FHAD1: variants seen among roughly 807,000 people sequenced by gnomAD.
FHAD1 encodes the protein forkhead associated phosphopeptide binding domain 1, also known as forkhead-associated domain-containing protein 1.
In FHAD1, 146 loss-of-function variants were observed where a neutral mutation model predicts 191.3. The observed-to-expected ratio is 0.76, with a 90% CI of 0.67 to 0.88. The LOEUF (loss-of-function observed/expected upper bound fraction) is 0.88. FHAD1 is among the 40% of genes least tolerant of loss of function. FHAD1 has a pLI of 0.00. For missense variants in FHAD1, 1,635 were observed against 1,785.8 expected (o/e 0.92, Z 1.52); for synonymous variants, 616 against 672.3 (o/e 0.92, Z 1.29).
At chr1:15,355,635 G>A (rs1390708823) in intron 20 of FHAD1, among the ~76,000 whole-genome samples, 2 of 152,176 alleles carry the variant, frequency 1.3e-5, no homozygotes, top group Non-Finnish European at 2.9e-5. Flanking sequence ...GACCCCTGGG[G>A]TGCATCGCTG....
chr1:15,390,775 G>T (rs1703798260), intron 32 of FHAD1, among the ~76,000 whole-genome samples: 1 of 152,210 alleles, frequency 6.6e-6, no homozygotes, highest in Non-Finnish European at 1.5e-5. Flanking sequence ...CCTAAAGGGA[G>T]TTCAACCATC....
intron 26 of FHAD1, among the ~76,000 whole-genome samples, chr1:15,371,037 C>G (rs370794426): frequency 1.1e-4 from 16 of 152,202 alleles, no homozygotes; most frequent in African/African-American, 3.9e-4. Context: ...ACAGAATTGT[C>G]TCCTGGTTGC....
intron 16 of FHAD1, among the ~76,000 whole-genome samples, chr1:15,343,428 G>A (rs949000388): frequency 4.3e-5 from 6 of 138,046 alleles, no homozygotes; most frequent in Admixed American, 2.3e-4. Flanking sequence ...TCTCTTCCCC[G>A]GAAGAGTACT....
intron 2 of FHAD1, among the ~76,000 whole-genome samples, chr1:15,269,612 C>T (rs935989631): frequency 6.6e-6 from 1 of 152,126 alleles, no homozygotes; most frequent in African/African-American, 2.4e-5. Context: ...CCATGTCAGC[C>T]CAAGAAGAAC....
chr1:15,299,089 A>G (rs944084089), intron 5 of FHAD1, among the ~76,000 whole-genome samples: 5 of 151,110 alleles, frequency 3.3e-5, no homozygotes, highest in African/African-American at 7.3e-5. Flanking sequence ...AGCCCCAGCT[A>G]CTAGGGAGGC....
chr1:15,394,774 C>T (rs180840002), intron 33 of FHAD1, among the ~76,000 whole-genome samples: 5 of 152,254 alleles, frequency 3.3e-5, no homozygotes, highest in African/African-American at 9.6e-5. Context: ...AGCTGAAACG[C>T]GACTAGCCAC....
At chr1:15,310,530 G>A (rs1671950340) in intron 7 of FHAD1, among the ~76,000 whole-genome samples, 1 of 152,162 alleles carries the variant, frequency 6.6e-6, no homozygotes. Context: ...GACAGACCTG[G>A]GCTCAGGTAT....
At position 15,349,055 on chromosome 1, in the gene FHAD1, G is replaced by T; in HGVS notation, c.2360G>T (p.Ser787Ile). Residue 787 changes from serine to isoleucine, a missense_variant, in exon 19 of 34, where the codon AGC (serine) becomes ATC (isoleucine). Coordinates refer to ENST00000688493, the MANE Select transcript of FHAD1 (RefSeq NM_001391957.1). ...GTTGATTTTCAGGTTTTGGAGAGCA[G>T]CATAGCCCATGAAAAAAGAAAAGCA... ...LARQKEVLES[S>I]IAHEKRKAKE... The T allele has an allele frequency of 2.6e-6, 4 of 1,551,522 alleles. No individual in the cohort carries two copies. The highest frequency in any genetic ancestry group is 3.5e-6 in the Non-Finnish European group (4 of 1,146,886).
chr1:15,343,004 C>T (rs1687364331), intron 16 of FHAD1, among the ~76,000 whole-genome samples: 1 of 152,018 alleles, frequency 6.6e-6, no homozygotes, highest in Non-Finnish European at 1.5e-5. Flanking sequence ...CTCTATGTTG[C>T]CCAGGCTGGT....
At chr1:15,388,357 C>T (rs768906540) in intron 32 of FHAD1, 1 of 1,262,932 alleles carries the variant, frequency 7.9e-7, no homozygotes, top group Non-Finnish European at 1.0e-6. Context: ...CCCTGCCCCA[C>T]CTGCCTGCAG....
intron 31 of FHAD1, chr1:15,383,342 C>T (rs939441332): frequency 4.6e-6 from 2 of 430,886 alleles, no homozygotes; most frequent in African/African-American, 4.0e-5. Flanking sequence ...CCGGCGGACA[C>T]TGCCTTCCCC....
intron 1 of FHAD1, among the ~76,000 whole-genome samples, chr1:15,250,707 G>A (rs1189681970): frequency 6.6e-6 from 1 of 152,182 alleles, no homozygotes; most frequent in Non-Finnish European, 1.5e-5. Context: ...CAGACATGGT[G>A]GTGTGCCTGT....
intron 10 of FHAD1, among the ~76,000 whole-genome samples, chr1:15,322,084 A>G (rs1676513865): frequency 6.6e-6 from 1 of 152,064 alleles, no homozygotes; most frequent in Non-Finnish European, 1.5e-5. Context: ...GATTTACAGC[A>G]GTTTTATTAG....
At chr1:15,372,690 ATATATG>A in intron 26 of FHAD1, among the ~76,000 whole-genome samples, 1 of 152,356 alleles carries the variant, frequency 6.6e-6, no homozygotes, top group East Asian at 1.9e-4. Flanking sequence ...ATAGCTATCT[ATATATG>A]TATATGTATA....
At position 15,395,590 on chromosome 1, in the gene FHAD1, C is replaced by A. The variant is rs113068674; in HGVS notation, c.4324-1707C>A. ...AAGCCCAGCTGTGCCAAGTGTCCAA[C>A]AAATATGGCCCGGGAGTGGGGTCAT... is the stretch of plus-strand genomic sequence containing the variant. On this transcript the variant is annotated intron_variant, in intron 33 of 33. Transcript: ENST00000688493. Among the ~76,000 whole-genome samples the A allele has an allele frequency of 6.4e-3, 981 of 152,236 alleles. 11 individuals are homozygous for A. The highest frequency in any genetic ancestry group is 0.023 in the African/African-American group (935 of 41,532).
intron 23 of FHAD1, chr1:15,363,663 T>C: frequency 2.3e-6 from 1 of 442,022 alleles, no homozygotes; most frequent in East Asian, 7.0e-5. Flanking sequence ...GGCGGGGCCC[T>C]GTAAAGGGTG....
rs1358216218 is a variant in FHAD1 at position 15,331,519 on chromosome 1, GATGGATGGATGA to G, written c.1906+1980_1906+1991del. Among the ~76,000 whole-genome samples, 348 of 136,110 alleles carry G rather than the reference GATGGATGGATGA, an allele frequency of 2.6e-3. 2 individuals are homozygous for G. Among genetic ancestry groups the G allele is most frequent in the Middle Eastern group, 0.011 (3 of 278 alleles). 89.3% of individuals were successfully genotyped at this position (136,110 alleles called of 152,430 possible). ...GGATGGATGGATGGATGGATGGATG[GATGGATGGATGA>G]AAGGATGGATGGAAGTGTGGGTGGG... On this transcript the variant is annotated intron_variant, in intron 14 of 33. Coordinates refer to ENST00000688493, the MANE Select transcript of FHAD1 (RefSeq NM_001391957.1).
At chr1:15,265,492 T>C (rs996900261) in intron 2 of FHAD1, among the ~76,000 whole-genome samples, 1 of 152,182 alleles carries the variant, frequency 6.6e-6, no homozygotes, top group African/African-American at 2.4e-5. Flanking sequence ...CAGGCAGTCC[T>C]CAGAAACTCT....
chr1:15,267,566 G>A (rs1654067740), intron 2 of FHAD1, among the ~76,000 whole-genome samples: 2 of 151,914 alleles, frequency 1.3e-5, no homozygotes, highest in African/African-American at 4.8e-5. Context: ...AATTCACCAG[G>A]GAACCCATCT....
Sources: gnomAD v4.1 joint callset for allele counts (sites outside exome capture counted in the v4.1 genomes callset) on GRCh38, gnomAD v4.1.1 for gene constraint, MANE v1.5 for transcripts, NCBI Gene and HGNC (gene_info 2026-07-23, HGNC 2026-07-21) for gene names.